STK32B: variants seen among roughly 807,000 people sequenced by gnomAD.
STK32B encodes the protein serine/threonine kinase 32B.
In STK32B, 43 loss-of-function variants were observed where a neutral mutation model predicts 52.6. That is an observed-to-expected ratio of 0.82 (90% CI 0.64 to 1.05). The LOEUF is 1.05. STK32B is among the 50% of genes least tolerant of loss of function. STK32B has a pLI of 0.00. For synonymous variants in STK32B, 238 were observed against 204.3 expected, an observed-to-expected ratio of 1.17 and a Z score of -1.41; for missense variants, 621 against 534.6, an observed-to-expected ratio of 1.16 and a Z score of -1.59.
intron 3 of STK32B, among the ~76,000 whole-genome samples, chr4:5,187,139 A>G (rs1720805647): frequency 6.6e-6 from 1 of 152,176 alleles, no homozygotes; most frequent in Admixed American, 6.5e-5. Context: ...CAGAGAAGCC[A>G]TGGGGTTTAC....
chr4:5,350,943 T>A (rs1733784571), intron 4 of STK32B, among the ~76,000 whole-genome samples: 1 of 152,064 alleles, frequency 6.6e-6, no homozygotes, highest in Non-Finnish European at 1.5e-5. Flanking sequence ...ATGCACCCAA[T>A]GGTGGAGCAC....
At chr4:5,251,006 G>A (rs1224473973) in intron 3 of STK32B, among the ~76,000 whole-genome samples, 1 of 152,144 alleles carries the variant, frequency 6.6e-6, no homozygotes, top group African/African-American at 2.4e-5. Flanking sequence ...CATTCTGTAG[G>A]TTGTCTTTTT....
At chr4:5,159,039 G>A (rs555889358) in intron 2 of STK32B, among the ~76,000 whole-genome samples, 1 of 152,140 alleles carries the variant, frequency 6.6e-6, no homozygotes, top group Non-Finnish European at 1.5e-5. Flanking sequence ...GACATCAGCT[G>A]TACAATGTTG....
intron 6 of STK32B, among the ~76,000 whole-genome samples, chr4:5,429,619 A>C (rs1713394018): frequency 6.6e-6 from 1 of 152,064 alleles, no homozygotes; most frequent in Non-Finnish European, 1.5e-5. Flanking sequence ...AGTGGTTAAA[A>C]ATAAAAAAAA....
intron 1 of STK32B, among the ~76,000 whole-genome samples, chr4:5,104,468 T>C (rs765049919): frequency 3.3e-5 from 5 of 152,232 alleles, no homozygotes; most frequent in Non-Finnish European, 7.3e-5. Context: ...GATTAAGGAA[T>C]TTAACTCTAT....
At chr4:5,125,427 C>T (rs1010514686) in intron 1 of STK32B, among the ~76,000 whole-genome samples, 3 of 152,236 alleles carry the variant, frequency 2.0e-5, no homozygotes, top group African/African-American at 4.8e-5. Context: ...CTCCAGCCCC[C>T]CTCCCTGAGC....
intron 2 of STK32B, among the ~76,000 whole-genome samples, chr4:5,158,145 C>G (rs893514075): frequency 5.3e-5 from 8 of 152,116 alleles, no homozygotes; most frequent in Admixed American, 3.3e-4. Flanking sequence ...TACTGACCAG[C>G]TTGGTGGACC....
chr4:5,427,699 A>G (rs911856377), intron 6 of STK32B, among the ~76,000 whole-genome samples: 5 of 152,142 alleles, frequency 3.3e-5, no homozygotes, highest in Non-Finnish European at 7.4e-5. Flanking sequence ...AGTTATGTGT[A>G]ATATCCCCTT....
chr4:5,332,911 T>A (rs1165340172), intron 4 of STK32B, among the ~76,000 whole-genome samples: 1 of 152,148 alleles, frequency 6.6e-6, no homozygotes, highest in Non-Finnish European at 1.5e-5. Flanking sequence ...GACATTTGGG[T>A]TGGTTCCAAG....
intron 2 of STK32B, among the ~76,000 whole-genome samples, chr4:5,149,181 T>C (rs939966995): frequency 6.6e-6 from 1 of 151,930 alleles, no homozygotes; most frequent in East Asian, 1.9e-4. Context: ...GCTTACTGTT[T>C]CCATGACATA....
chr4:5,094,486 C>T (rs1713270329), intron 1 of STK32B, among the ~76,000 whole-genome samples: 1 of 152,016 alleles, frequency 6.6e-6, no homozygotes, highest in Non-Finnish European at 1.5e-5. Context: ...GATATTGTCT[C>T]TACAGAATAT....
chr4:5,329,308 C>T (rs764831223), intron 3 of STK32B, among the ~76,000 whole-genome samples: 70 of 152,302 alleles, frequency 4.6e-4, no homozygotes, highest in Admixed American at 1.1e-3. Flanking sequence ...TCTTACTCCA[C>T]TCCTGCCCAT....
chr4:5,069,820 A>T (rs947668382), intron 1 of STK32B, among the ~76,000 whole-genome samples: 1 of 152,192 alleles, frequency 6.6e-6, no homozygotes, highest in African/African-American at 2.4e-5. Context: ...GTCTGGTTTC[A>T]AATCCTGCCT....
intron 1 of STK32B, among the ~76,000 whole-genome samples, chr4:5,124,434 T>G (rs988107227): frequency 1.3e-5 from 2 of 152,082 alleles, no homozygotes; most frequent in Non-Finnish European, 2.9e-5. Flanking sequence ...CTCCCACATC[T>G]CATGCAGTGT....
chr4:5,412,975 C>T (rs921508822), intron 5 of STK32B, among the ~76,000 whole-genome samples: 1 of 152,144 alleles, frequency 6.6e-6, no homozygotes, highest in South Asian at 2.1e-4. Flanking sequence ...CTTTCCTACT[C>T]CTTCCCTTTT....
upstream of STK32B, among the ~76,000 whole-genome samples, chr4:5,049,076 G>A (rs1211292951): frequency 6.6e-6 from 1 of 152,208 alleles, no homozygotes; most frequent in East Asian, 1.9e-4. Flanking sequence ...TCTGCAAAGT[G>A]TCCCACTCTC....
At position 5,058,812 on chromosome 4, in the gene STK32B, G is replaced by A. The variant is rs28641649; in HGVS notation, c.52+6897G>A. 0.16 allele frequency among the ~76,000 whole-genome samples: 24,775 copies of A among 151,896 alleles called. 2,211 individuals are homozygous for A. Among genetic ancestry groups the A allele is most frequent in the Non-Finnish European group, 0.2 (13,784 of 67,920 alleles). ...GTCTCCCAGGATGGAGTGCAGTGGC[G>A]TGGTATCAGCTCACTGCAACCTCTG... On this transcript the variant is annotated intron_variant, in intron 1 of 11. Transcript: ENST00000282908. The surrounding 1 kb of genome is among the most constrained non-coding windows in gnomAD (Gnocchi z 4.8).
intron 3 of STK32B, among the ~76,000 whole-genome samples, chr4:5,252,740 G>A (rs1024301000): frequency 2.6e-5 from 4 of 152,190 alleles, no homozygotes; most frequent in African/African-American, 7.2e-5. Flanking sequence ...TCTAACCTGC[G>A]TGGTCTTAGG....
At position 5,460,912 on chromosome 4, in the gene STK32B, C is replaced by T. The variant is rs929580210; in HGVS notation, c.909+684C>T. ...CCACGGTCAAAGTTTTAGGTTTTGT[C>T]CCCCAGAAACTGGAGTGTTTAAGGC... On this transcript the variant is annotated intron_variant, in intron 9 of 11. Transcript: ENST00000282908. The surrounding 1 kb of genome is among the most constrained non-coding windows in gnomAD (Gnocchi z 4.8). Among the ~76,000 whole-genome samples, 2 of 152,154 alleles carry T rather than the reference C, an allele frequency of 1.3e-5. No individual in the cohort carries two copies. Among genetic ancestry groups the T allele is most frequent in the African/African-American group, 2.4e-5 (1 of 41,432 alleles).
Sources: gnomAD v4.1 joint callset for allele counts (sites outside exome capture counted in the v4.1 genomes callset) on GRCh38, gnomAD v4.1.1 for gene constraint, Gnocchi (gnomAD v3.1) non-coding constraint, MANE v1.5 for transcripts, NCBI Gene and HGNC (gene_info 2026-07-23, HGNC 2026-07-21) for gene names.